The following NOD2 variants were observed in gnomAD, a reference collection of about 807,000 sequenced individuals.
NOD2 encodes the protein nucleotide-binding oligomerization domain-containing protein 2.
A neutral mutation model predicts 90.9 loss-of-function variants in NOD2; 86 were observed. That is an observed-to-expected ratio of 0.95 (90% confidence interval 0.79 to 1.13). The LOEUF (loss-of-function observed/expected upper bound fraction) is 1.13, where lower values mean the gene tolerates loss of function less well. Ranked by LOEUF, NOD2 falls within the 50% of genes most tolerant of loss-of-function variation. The probability of loss-of-function intolerance (pLI) is 0.00; values close to 1 mark genes in which losing one functional copy is unlikely to be tolerated. For synonymous variants in NOD2, 581 were observed against 554.6 expected (o/e 1.05, Z -0.67); for missense variants, 1,238 against 1,283.8 (o/e 0.96, Z 0.55).
intron 2 of NOD2, among the ~76,000 whole-genome samples, chr16:50,705,937 A>G (rs990806152): frequency 5.9e-5 from 9 of 152,252 alleles, no homozygotes; most frequent in Admixed American, 4.6e-4. Flanking sequence ...AGCCAAAGGA[A>G]GGAAATTACA....
intron 10 of NOD2, among the ~76,000 whole-genome samples, chr16:50,725,941 C>T (rs2150837470): frequency 6.6e-6 from 1 of 152,306 alleles, no homozygotes; most frequent in South Asian, 2.1e-4. Flanking sequence ...GGCATTTATC[C>T]ACCAACCCTC....
chr16:50,732,210 C>T lies in NOD2; in HGVS notation c.*391C>T, dbSNP rs1036114401. ...GAGAGGCCCGGCCTCTCACAAAAGA[C>T]CCCTTACCACTGCTCTGATGAAGAG... On this transcript the variant is annotated 3_prime_UTR_variant, in exon 12 of 12. Transcript: ENST00000647318. 19 of 365,934 alleles carry T rather than the reference C, an allele frequency of 5.2e-5. No homozygotes were observed. The highest frequency in any genetic ancestry group is 2.5e-4 in the East Asian group (4 of 15,854). 22.7% of individuals were successfully genotyped at this position (365,934 alleles called of 1,614,324 possible).
chr16:50,726,159 G>A (rs1184105454), intron 10 of NOD2, among the ~76,000 whole-genome samples: 1 of 152,144 alleles, frequency 6.6e-6, no homozygotes, highest in Non-Finnish European at 1.5e-5. Context: ...CTTGGGACTT[G>A]TGCCACAAAG....
rs953711134 is a variant in NOD2 at position 50,723,395 on chromosome 16, G to A, written c.2801+11G>A. The A allele has an allele frequency of 1.2e-6, 2 of 1,612,448 alleles. No homozygotes were observed. Among genetic ancestry groups the A allele is most frequent in the African/African-American group, 1.3e-5 (1 of 74,876 alleles). Reference sequence around the variant, plus strand: ...GCTAGAAGAACTCTGGTGAGTTTGGGGGATTCTCTGCTCTGGGGAAGTGGA... The same window carrying A: ...GCTAGAAGAACTCTGGTGAGTTTGGAGGATTCTCTGCTCTGGGGAAGTGGA... On this transcript the variant is annotated intron_variant, in intron 9 of 11. Coordinates refer to ENST00000647318, the MANE Select transcript of NOD2 (RefSeq NM_001370466.1).
chr16:50,708,894 C>T (rs762703806), intron 3 of NOD2, among the ~76,000 whole-genome samples: 1 of 152,208 alleles, frequency 6.6e-6, no homozygotes. Flanking sequence ...CAGCAGGGTG[C>T]GCGGCACGGA....
intron 10 of NOD2, chr16:50,728,202 A>C (rs191224013): frequency 4.3e-4 from 95 of 221,730 alleles, no homozygotes; most frequent in African/African-American, 2.1e-3. Context: ...TAAGAAAATC[A>C]GCTTTGATGA....
chr16:50,718,394 C>T lies in NOD2; in HGVS notation c.2549+1420C>T, dbSNP rs556280431. On this transcript the variant is annotated intron_variant, in intron 6 of 11. Transcript: ENST00000647318. ...ATGCGCTGGACGGGGGGCTGATTCACGTCCTGGGTGGGATGGAGCTGGATG... is the reference window on the plus strand; with the variant it reads ...ATGCGCTGGACGGGGGGCTGATTCATGTCCTGGGTGGGATGGAGCTGGATG... Among the ~76,000 whole-genome samples the T allele has an allele frequency of 5.9e-5, 9 of 152,328 alleles. No homozygotes were observed. The South Asian group carries it at 8.3e-4, about 14-fold the overall frequency.
intron 1 of NOD2, among the ~76,000 whole-genome samples, chr16:50,698,929 C>CTT (rs535158696): frequency 8.4e-4 from 118 of 140,880 alleles, no homozygotes; most frequent in African/African-American, 2.5e-3. Flanking sequence ...CTCTCTCTGT[C>CTT]TTTTTTTTTT....
Position 50,712,024 on chromosome 16 carries a change from G to C in NOD2, c.2032G>C (p.Ala678Pro). 6.2e-7 allele frequency: 1 copy of C among 1,613,122 alleles called. No individual in the cohort carries two copies. Among genetic ancestry groups the C allele is most frequent in the Non-Finnish European group, 8.5e-7 (1 of 1,179,882 alleles). Residue 678 changes from alanine to proline, a missense_variant, in exon 4 of 12, where the codon GCC (alanine) becomes CCC (proline). Coordinates refer to ENST00000647318, the MANE Select transcript of NOD2 (RefSeq NM_001370466.1). ...TSEKALLRRQ[A>P]CARWCLARSL... ...TGAGAAGGCCCTGCTCCGGCGCCAG[G>C]CCTGTGCCCGCTGGTGTCTGGCCCG... is the stretch of plus-strand genomic sequence containing the variant.
At chr16:50,708,537 A>G (rs12929565) in intron 3 of NOD2, among the ~76,000 whole-genome samples, 1 of 152,158 alleles carries the variant, frequency 6.6e-6, no homozygotes, top group Admixed American at 6.5e-5. Context: ...CACCTTATAG[A>G]TGTGGAAACT....
At chr16:50,697,680 A>G (rs1474134447) in intron 1 of NOD2, 1 of 363,186 alleles carries the variant, frequency 2.8e-6, no homozygotes, top group African/African-American at 2.1e-5. Context: ...GAACTACCTT[A>G]GATCCTGGCT....
At chr16:50,706,852 A>G (rs898940261) in intron 2 of NOD2, among the ~76,000 whole-genome samples, 1 of 151,724 alleles carries the variant, frequency 6.6e-6, no homozygotes, top group Non-Finnish European at 1.5e-5. Flanking sequence ...ACCTGCCACC[A>G]CGCCTGGCTA....
intron 6 of NOD2, 97 bp from the exon 7 acceptor site, chr16:50,719,828 A>G (rs1280422952): frequency 1.7e-6 from 2 of 1,150,966 alleles, no homozygotes; most frequent in Non-Finnish European, 2.6e-6. Flanking sequence ...GCAGGTCTTC[A>G]ATGCTTTCTT....
chr16:50,709,810 A>G (rs964957894), intron 3 of NOD2: 5 of 390,324 alleles, frequency 1.3e-5, no homozygotes, highest in African/African-American at 6.3e-5. Context: ...TGTGCCTACT[A>G]TATCCATGAA....
intron 4 of NOD2, chr16:50,715,878 A>G (rs1288230349): frequency 3.3e-5 from 5 of 153,448 alleles, no homozygotes; most frequent in Non-Finnish European, 5.8e-5. Context: ...AGTTGTTAAA[A>G]TATACAGATT....
intron 9 of NOD2, among the ~76,000 whole-genome samples, chr16:50,723,871 A>ACCC (rs1965174702): frequency 6.6e-6 from 1 of 152,204 alleles, no homozygotes; most frequent in African/African-American, 2.4e-5. Flanking sequence ...GGTTACTACT[A>ACCC]CTATTACTGC....
Position 50,711,466 on chromosome 16 carries a change from C to T in NOD2, c.1474C>T (p.Gln492Ter), listed in dbSNP as rs1964496675. 6.2e-7 allele frequency: 1 copy of T among 1,613,500 alleles called. No individual in the cohort carries two copies. The highest frequency in any genetic ancestry group is 8.5e-7 in the Non-Finnish European group (1 of 1,179,990). The stretch of plus-strand genomic sequence containing the variant: ...TACAGATATGTACCTGCTGATTCTG[C>T]AGCATTTTCTGCTGCATGCCACCCC... Reference protein sequence around the residue: ...TTTDMYLLILQHFLLHATPPD... With the variant: ...TTTDMYLLIL Residue 492 changes from glutamine to a stop codon, truncating the protein, a stop_gained, in exon 4 of 12, where the codon CAG becomes TAG. Transcript: ENST00000647318. LOFTEE classifies it high-confidence loss of function.
At chr16:50,731,441 A>C (rs1197636948) in intron 11 of NOD2, among the ~76,000 whole-genome samples, 1 of 152,172 alleles carries the variant, frequency 6.6e-6, no homozygotes, top group Non-Finnish European at 1.5e-5. Flanking sequence ...GGGTTTGCTC[A>C]TTGCATTCTT....
intron 10 of NOD2, chr16:50,727,874 G>T: frequency 3.0e-6 from 1 of 328,392 alleles, no homozygotes; most frequent in South Asian, 2.7e-5. Flanking sequence ...ACTAGCAGCA[G>T]ACCACCAGTG....
Sources: gnomAD v4.1 joint callset for allele counts (sites outside exome capture counted in the v4.1 genomes callset) on GRCh38, gnomAD v4.1.1 for gene constraint, MANE v1.5 for transcripts, NCBI Gene and HGNC (gene_info 2026-07-23, HGNC 2026-07-21) for gene names.